Variants in GIGYF2 observed in about 807,000 individuals in gnomAD.
GIGYF2 encodes the protein GRB10-interacting GYF protein 2.
GIGYF2 carries 25 observed loss-of-function variants against 208.1 expected under a neutral mutation model. That is an observed-to-expected ratio of 0.12 (90% CI 0.09 to 0.17). The LOEUF is 0.17. Among genes scored for constraint, GIGYF2 ranks in the 10% least tolerant of loss-of-function variants. The probability of loss-of-function intolerance (pLI) is 1.00; values close to 1 mark genes in which losing one functional copy is unlikely to be tolerated. For missense variants in GIGYF2, 1,302 were observed against 1,579.4 expected (o/e 0.82, Z 2.98); for synonymous variants, 534 against 543.8 (o/e 0.98, Z 0.25).
At chr2:232,800,210 G>C (rs544138217) in intron 14 of GIGYF2, among the ~76,000 whole-genome samples, 1 of 151,742 alleles carries the variant, frequency 6.6e-6, no homozygotes, top group African/African-American at 2.4e-5. Context: ...TGTATCCAAT[G>C]TTATATAAAG....
chr2:232,795,002 C>T, intron 13 of GIGYF2, 58 bp downstream of exon 13: 2 of 1,231,772 alleles, frequency 1.6e-6, no homozygotes, highest in Non-Finnish European at 2.4e-6. Context: ...AATTAGCAGG[C>T]ATTGCATGAA....
chr2:232,827,318 C>T (rs867559836), intron 21 of GIGYF2, among the ~76,000 whole-genome samples: 13 of 152,158 alleles, frequency 8.5e-5, no homozygotes, highest in Admixed American at 2.0e-4. Context: ...TTGCGATCTT[C>T]ACTTTATTGC....
chr2:232,743,743 C>G (rs1403268095), intron 3 of GIGYF2, among the ~76,000 whole-genome samples: 3 of 152,226 alleles, frequency 2.0e-5, no homozygotes, highest in Admixed American at 6.5e-5. Flanking sequence ...CAGCCATTAT[C>G]CTAACTCAGG....
intron 8 of GIGYF2, among the ~76,000 whole-genome samples, chr2:232,776,225 A>G (rs957354823): frequency 2.6e-5 from 4 of 152,196 alleles, no homozygotes; most frequent in Non-Finnish European, 4.4e-5. Context: ...ATTTAATAAA[A>G]CAGTTAAGAA....
chr2:232,809,679 T>C, intron 15 of GIGYF2, 41 bp from the exon 16 acceptor site: 1 of 1,179,174 alleles, frequency 8.5e-7, no homozygotes, highest in Non-Finnish European at 1.3e-6. Flanking sequence ...TTCTTTGCAG[T>C]TTATTTAATG....
At chr2:232,738,457 C>T (rs1474489245) in intron 3 of GIGYF2, among the ~76,000 whole-genome samples, 1 of 152,170 alleles carries the variant, frequency 6.6e-6, no homozygotes, top group Non-Finnish European at 1.5e-5. Context: ...CTCCCTATCT[C>T]TCTTCCTTGC....
chr2:232,770,517 A>G (rs1459228868), intron 8 of GIGYF2, among the ~76,000 whole-genome samples: 1 of 152,210 alleles, frequency 6.6e-6, no homozygotes, highest in African/African-American at 2.4e-5. Flanking sequence ...GTTAGGTAAA[A>G]TGACTGTCAA....
At chr2:232,749,395 A>G (rs917486574) in intron 5 of GIGYF2, among the ~76,000 whole-genome samples, 13 of 152,208 alleles carry the variant, frequency 8.5e-5, no homozygotes, top group South Asian at 4.1e-4. Context: ...ACAGATTTTC[A>G]GAAGTAATTG....
At position 232,815,575 on chromosome 2, in the gene GIGYF2, C is replaced by T. The variant is rs150202839; in HGVS notation, c.2108-62C>T. ...GAAGCAGCTTTTTTCATGATTCCTA[C>T]GGATATGTCACCATGTGTGTAAGCT... On this transcript the variant is annotated intron_variant, in intron 18 of 28. Transcript: ENST00000373563. The T allele has an allele frequency of 8.8e-4, 804 of 909,068 alleles. 2 individuals carry two copies. Among genetic ancestry groups the T allele is most frequent in the Non-Finnish European group, 1.3e-3 (678 of 542,046 alleles). The allele number at this position is 909,068 out of a possible 1,614,324, so 56.3% of individuals were successfully genotyped here.
intron 5 of GIGYF2, 36 bp downstream of exon 5, chr2:232,749,118 T>C (rs770600253): frequency 8.0e-6 from 8 of 1,002,998 alleles, no homozygotes; most frequent in African/African-American, 4.7e-5. Context: ...CAAACTCTTA[T>C]TCTTTTCCTG....
chr2:232,764,048 G>T (rs1698850320), intron 8 of GIGYF2, among the ~76,000 whole-genome samples: 1 of 152,186 alleles, frequency 6.6e-6, no homozygotes, highest in Admixed American at 6.5e-5. Flanking sequence ...AGAGGATATT[G>T]TTGGTATGCT....
chr2:232,760,473 T>C lies in GIGYF2; in HGVS notation c.380-7T>C. ...ACTATCATTTTTTTCTGTTTTCTTA[T>C]TTTCAGGCAGAGGCAGAGGTGAATG... On this transcript the variant is annotated splice_polypyrimidine_tract_variant and splice_region_variant and intron_variant, in intron 6 of 28. Coordinates refer to ENST00000373563, the MANE Select transcript of GIGYF2 (RefSeq NM_001103146.3). 1.3e-6 allele frequency: 2 copies of C among 1,593,452 alleles called. No homozygotes were observed. The highest frequency in any genetic ancestry group is 8.6e-7 in the Non-Finnish European group (1 of 1,161,404).
At chr2:232,838,858 T>C (rs1701729652) in intron 22 of GIGYF2, among the ~76,000 whole-genome samples, 1 of 151,974 alleles carries the variant, frequency 6.6e-6, no homozygotes, top group African/African-American at 2.4e-5. Context: ...AAATGCCCTA[T>C]TGTCTGTCAT....
At chr2:232,836,510 G>GA (rs1701643500) in intron 22 of GIGYF2, among the ~76,000 whole-genome samples, 1 of 138,118 alleles carries the variant, frequency 7.2e-6, no homozygotes, top group Admixed American at 7.7e-5. Context: ...AGGTTATAGT[G>GA]GGCCAAAATC....
chr2:232,832,937 G>A lies in GIGYF2; in HGVS notation c.2610G>A (p.Glu870=), dbSNP rs781677814. The change falls in exon 22 of 29, where the codon GAG becomes GAA. Residue 870 remains glutamate (E), a synonymous_variant. Transcript: ENST00000373563. ...RLEENRLRME[E]EAARLRHEEE... ...AGGAGAACCGGCTGCGGATGGAAGA[G>A]GAGGCAGCCAGACTCCGGCATGAGG... The A allele has an allele frequency of 1.5e-5, 24 of 1,568,088 alleles. No homozygotes were observed. The East Asian group carries it at 5.7e-4, about 37-fold the overall frequency.
chr2:232,774,072 G>A (rs1254725258), intron 8 of GIGYF2, among the ~76,000 whole-genome samples: 5 of 151,618 alleles, frequency 3.3e-5, no homozygotes, highest in African/African-American at 7.3e-5. Context: ...GCTTGAGGTC[G>A]GGAATTCAAG....
At chr2:232,802,169 A>G (rs1449754459) in intron 14 of GIGYF2, among the ~76,000 whole-genome samples, 1 of 152,002 alleles carries the variant, frequency 6.6e-6, no homozygotes, top group African/African-American at 2.4e-5. Flanking sequence ...TTTTTAGAAA[A>G]AAAGAATCTA....
At chr2:232,813,396 G>T (rs967336215) in intron 18 of GIGYF2, among the ~76,000 whole-genome samples, 7 of 152,112 alleles carry the variant, frequency 4.6e-5, no homozygotes, top group Non-Finnish European at 1.0e-4. Flanking sequence ...TTTTAGTAGA[G>T]ACAGGATTTC....
chr2:232,753,495 G>A (rs1414942151), intron 5 of GIGYF2, among the ~76,000 whole-genome samples: 1 of 152,066 alleles, frequency 6.6e-6, no homozygotes, highest in East Asian at 1.9e-4. Flanking sequence ...CTGGCCTCAA[G>A]TGATCTGCCT....
Sources: allele counts gnomAD v4.1 joint callset (sites outside exome capture counted in the v4.1 genomes callset), GRCh38; gene constraint gnomAD v4.1.1; transcripts MANE v1.5; gene names NCBI Gene and HGNC (gene_info 2026-07-23, HGNC 2026-07-21).